CBR4: variants seen among roughly 807,000 people sequenced by gnomAD.
CBR4 encodes carbonyl reductase 4.
Under a neutral mutation model 21.0 loss-of-function variants are expected in CBR4, and 22 were observed. That is an observed-to-expected ratio of 1.05 (90% CI 0.75 to 1.50). The LOEUF is 1.50. Among genes scored for constraint, CBR4 ranks in the 40% most tolerant of loss-of-function variants. The probability of loss-of-function intolerance (pLI) is 0.00; values close to 1 mark genes in which losing one functional copy is unlikely to be tolerated. For synonymous variants in CBR4, 100 were observed against 104.4 expected (o/e 0.96, Z 0.26); for missense variants, 302 against 286.3 (o/e 1.05, Z -0.40).
At chr4:168,984,395 A>T (rs1356769747), downstream of CBR4, among the ~76,000 whole-genome samples, 1 of 152,204 alleles carries the variant, frequency 6.6e-6, no homozygotes, top group Non-Finnish European at 1.5e-5. Flanking sequence ...CTGCTGAAAA[A>T]ATCAGAAGCA....
intron 2 of CBR4, among the ~76,000 whole-genome samples, chr4:168,946,657 C>T (rs149407391): frequency 2.0e-5 from 3 of 152,180 alleles, no homozygotes; most frequent in East Asian, 1.9e-4. Context: ...TAGCATGTAA[C>T]GGGTTTACTC....
intron 2 of CBR4, among the ~76,000 whole-genome samples, chr4:168,959,561 CTT>C (rs750848079): frequency 3.9e-5 from 2 of 50,892 alleles, no homozygotes; most frequent in African/African-American, 5.6e-5. Context: ...TTATCAATTT[CTT>C]TTTTTTTTTT....
intron 2 of CBR4, among the ~76,000 whole-genome samples, chr4:168,961,087 A>G (rs1172224785): frequency 6.6e-6 from 1 of 152,224 alleles, no homozygotes; most frequent in East Asian, 1.9e-4. Context: ...GTAACAGCAT[A>G]AAAGCAGCAC....
chr4:168,989,527 C>T lies in CBR4; in HGVS notation c.*623G>A. On this transcript the variant is annotated 3_prime_UTR_variant, in exon 5 of 5. Transcript: ENST00000306193. The stretch of plus-strand genomic sequence containing the variant: ...CCTGTATAAAAACTGATCACCCAAG[C>T]ACATGCAAAAGGAATATAGTTATCT... 2 of 985,334 alleles carry T rather than the reference C, an allele frequency of 2.0e-6. No individual in the cohort carries two copies. Among genetic ancestry groups the T allele is most frequent in the Non-Finnish European group, 2.4e-6 (2 of 829,902 alleles). The allele number at this position is 985,334 out of a possible 1,614,324, so 61.0% of individuals were successfully genotyped here. A position where few individuals can be genotyped will look rare whatever the true frequency, so the allele number is the denominator to read the frequency against.
At chr4:168,976,954 TC>T in intron 2 of CBR4, among the ~76,000 whole-genome samples, 1 of 152,326 alleles carries the variant, frequency 6.6e-6, no homozygotes, top group Non-Finnish European at 1.5e-5. Context: ...CTGACACATT[TC>T]CCCAGTGGGT....
rs368472947 is a variant in CBR4 at position 168,913,939 on chromosome 4, T to A, written n.170-19174A>T. On this transcript the variant is annotated intron_variant and non_coding_transcript_variant, in intron 2 of 3. Coordinates refer to the CBR4 transcript ENST00000509108. Reference sequence around the variant, plus strand: ...GATATTTCTACAGGGCCGCATCAGTTGTACTGGACGGCTAATGGTACAGGC... The same window carrying A: ...GATATTTCTACAGGGCCGCATCAGTAGTACTGGACGGCTAATGGTACAGGC... 7 of 1,610,612 alleles carry A rather than the reference T, an allele frequency of 4.3e-6. No individual in the cohort carries two copies. Among genetic ancestry groups the A allele is most frequent in the Non-Finnish European group, 5.1e-6 (6 of 1,176,884 alleles).
At chr4:168,919,517 T>C (rs1480590825) in intron 2 of CBR4, among the ~76,000 whole-genome samples, 1 of 145,570 alleles carries the variant, frequency 6.9e-6, no homozygotes, top group Non-Finnish European at 1.5e-5. Context: ...GGAGCAAGAC[T>C]GTCTTAAAAA....
intron 3 of CBR4, among the ~76,000 whole-genome samples, chr4:169,006,067 A>C (rs752457959): frequency 5.9e-5 from 9 of 152,236 alleles, no homozygotes; most frequent in Non-Finnish European, 4.4e-5. Context: ...AGATGAACTG[A>C]AAACTAGGGG....
In CBR4 at chr4:169,002,073, G is replaced by T; in HGVS notation, c.533C>A (p.Pro178Gln). The T allele has an allele frequency of 6.4e-7, 1 of 1,571,420 alleles. No individual in the cohort carries two copies. Among genetic ancestry groups the T allele is most frequent in the Admixed American group, 2.0e-5 (1 of 50,620 alleles). The change falls in exon 4 of 5, where the codon CCA (proline) becomes CAA (glutamine). Residue 178 changes from proline (P) to glutamine (Q), a missense_variant and splice_region_variant. Pro to Gln is a moderately conservative substitution (Grantham distance 76). Transcript: ENST00000306193. ...RKKIRVNVVA[P>Q]GFVHTDMTKD... Reference sequence around the variant, plus strand: ...ATTTTAATAAAGTTTTCACTAACCTGGTGCAACTACATTCACTCTAATTTT... The same window carrying T: ...ATTTTAATAAAGTTTTCACTAACCTTGTGCAACTACATTCACTCTAATTTT...
intron 2 of CBR4, among the ~76,000 whole-genome samples, chr4:168,955,786 T>C (rs779879285): frequency 7.9e-5 from 12 of 152,158 alleles, no homozygotes; most frequent in African/African-American, 2.7e-4. Context: ...CCATGGACTA[T>C]GGGCCTAGAG....
chr4:168,986,809 G>A (rs1764707125), downstream of CBR4, among the ~76,000 whole-genome samples: 1 of 152,088 alleles, frequency 6.6e-6, no homozygotes, highest in Non-Finnish European at 1.5e-5. Context: ...GTCACGCAGG[G>A]TTAATACCTG....
chr4:168,904,012 T>A, intron 2 of CBR4: 1 of 1,150,006 alleles, frequency 8.7e-7, no homozygotes, highest in East Asian at 2.3e-5. Context: ...TTTCTTTGAT[T>A]TATGAAACTA....
intron 2 of CBR4, among the ~76,000 whole-genome samples, chr4:168,930,715 C>G (rs2126653048): frequency 6.6e-6 from 1 of 152,264 alleles, no homozygotes; most frequent in East Asian, 1.9e-4. Context: ...CTGCCCATGC[C>G]CCTGCATCCC....
intron 2 of CBR4, chr4:168,925,187 T>C (rs1161436515): frequency 1.9e-6 from 3 of 1,581,520 alleles, no homozygotes; most frequent in Non-Finnish European, 2.6e-6. Context: ...TTGTGTTTTA[T>C]TTGTCAAAAA....
chr4:168,958,120 C>A (rs975123826), intron 2 of CBR4, among the ~76,000 whole-genome samples: 1 of 152,090 alleles, frequency 6.6e-6, no homozygotes, highest in Non-Finnish European at 1.5e-5. Context: ...CAAAAACTAG[C>A]CAGCGTGGTG....
intron 4 of CBR4, among the ~76,000 whole-genome samples, chr4:168,999,484 G>A (rs931366895): frequency 1.3e-5 from 2 of 151,704 alleles, no homozygotes; most frequent in African/African-American, 4.8e-5. Context: ...TATACATAAA[G>A]GCCACTCTAT....
At chr4:168,921,992 G>A (rs1487783995) in intron 2 of CBR4, among the ~76,000 whole-genome samples, 1 of 151,906 alleles carries the variant, frequency 6.6e-6, no homozygotes. Context: ...GACCTCCTGT[G>A]TGTATAGTGG....
At chr4:168,999,555 A>G (rs1482971141) in intron 4 of CBR4, among the ~76,000 whole-genome samples, 4 of 151,654 alleles carry the variant, frequency 2.6e-5, no homozygotes, top group Non-Finnish European at 4.4e-5. Context: ...CTGGAAATCC[A>G]TAATATATAA....
At chr4:168,960,506 G>A (rs1763816655) in intron 2 of CBR4, among the ~76,000 whole-genome samples, 1 of 152,076 alleles carries the variant, frequency 6.6e-6, no homozygotes, top group Admixed American at 6.6e-5. Flanking sequence ...TCAGATAGAA[G>A]AAATACATTT....
Sources: gnomAD v4.1 joint callset for allele counts (sites outside exome capture counted in the v4.1 genomes callset) on GRCh38, gnomAD v4.1.1 for gene constraint, MANE v1.5 for transcripts, NCBI Gene and HGNC (gene_info 2026-07-23, HGNC 2026-07-21) for gene names.